TIGIT: variants seen among roughly 807,000 people sequenced by gnomAD.
TIGIT encodes T-cell immunoreceptor with Ig and ITIM domains.
Under a neutral mutation model 19.6 loss-of-function variants are expected in TIGIT, and 11 were observed. That is an observed-to-expected ratio of 0.56 (90% CI 0.35 to 0.93). The LOEUF is 0.93. Ranked by LOEUF, TIGIT falls within the 40% of genes least tolerant of loss-of-function variation. TIGIT has a pLI of 0.01. For missense variants in TIGIT, 295 were observed against 303.9 expected, an observed-to-expected ratio of 0.97 and a Z score of 0.22; for synonymous variants, 130 against 125.5, an observed-to-expected ratio of 1.04 and a Z score of -0.24.
rs757710677 is a variant in TIGIT at position 114,307,862 on chromosome 3, C to G, written c.499-33C>G. 58 of 1,583,026 alleles carry G rather than the reference C, an allele frequency of 3.7e-5. 2 individuals are homozygous for G. The South Asian group carries it at 6.3e-4, about 17-fold the overall frequency. Reference sequence around the variant, plus strand: ...GGGATTAACTGTTGAATAACATCCCCACATACTCACTTTGTAGTTTGTTTG... The same window carrying G: ...GGGATTAACTGTTGAATAACATCCCGACATACTCACTTTGTAGTTTGTTTG... On this transcript the variant is annotated intron_variant, in intron 3 of 3. Transcript: ENST00000383671.
chr3:114,299,699 G>T lies in TIGIT; in HGVS notation c.494G>T (p.Arg165Ile). ...TAVIVVVALTRKKKALRIHSV... is the reference protein window; with the variant it reads ...TAVIVVVALTIKKKALRIHSV... ...GTCATCGTGGTGGTCGCGTTGACTA[G>T]AAAGGTAATGGCTCCGGCTGCACAC... Residue 165 changes from arginine (R) to isoleucine (I), a missense_variant, in exon 3 of 4, where the codon AGA (arginine) becomes ATA (isoleucine). Coordinates refer to ENST00000383671, the MANE Select transcript of TIGIT (RefSeq NM_173799.4). 1 of 1,607,040 alleles carries T rather than the reference G, an allele frequency of 6.2e-7. No individual in the cohort carries two copies. Among genetic ancestry groups the T allele is most frequent in the Non-Finnish European group, 8.5e-7 (1 of 1,175,582 alleles).
intron 3 of TIGIT, among the ~76,000 whole-genome samples, chr3:114,304,700 T>C (rs539744643): frequency 1.3e-5 from 2 of 152,334 alleles, no homozygotes; most frequent in East Asian, 3.9e-4. Flanking sequence ...GATTTTATCC[T>C]AATTACGGGC....
chr3:114,303,264 C>T (rs1158238665), intron 3 of TIGIT, among the ~76,000 whole-genome samples: 1 of 151,890 alleles, frequency 6.6e-6, no homozygotes, highest in Non-Finnish European at 1.5e-5. Flanking sequence ...TATCCCTCAG[C>T]CCTCTCCCAC....
intron 3 of TIGIT, among the ~76,000 whole-genome samples, chr3:114,302,278 A>G (rs1483561609): frequency 6.6e-6 from 1 of 152,258 alleles, no homozygotes; most frequent in African/African-American, 2.4e-5. Context: ...TACAGTCTTC[A>G]TAGGGCACAG....
At chr3:114,301,471 G>A (rs898964780) in intron 3 of TIGIT, among the ~76,000 whole-genome samples, 6 of 152,194 alleles carry the variant, frequency 3.9e-5, no homozygotes, top group Admixed American at 2.0e-4. Flanking sequence ...AGAGGGGGGA[G>A]GTGAAGAAGA....
chr3:114,297,643 G>C (rs2078464021), intron 2 of TIGIT, among the ~76,000 whole-genome samples: 2 of 152,184 alleles, frequency 1.3e-5, no homozygotes, highest in African/African-American at 4.8e-5. Context: ...AGCTATGTCT[G>C]GTTGCTAATC....
At chr3:114,302,701 C>CA (rs2078500240) in intron 3 of TIGIT, among the ~76,000 whole-genome samples, 1 of 152,180 alleles carries the variant, frequency 6.6e-6, no homozygotes, top group Non-Finnish European at 1.5e-5. Flanking sequence ...GGAGAGATGC[C>CA]ACCAAACTTC....
chr3:114,304,232 G>A lies in TIGIT; in HGVS notation c.499-3663G>A, dbSNP rs1418869132. Among the ~76,000 whole-genome samples, 7 of 151,956 alleles carry A rather than the reference G, an allele frequency of 4.6e-5. No individual in the cohort carries two copies. In the South Asian group the frequency reaches 1.5e-3, roughly 32 times the overall value. On this transcript the variant is annotated intron_variant, in intron 3 of 3. Transcript: ENST00000383671. ...CTCTGCTGATTATTTCTTTTGCTGTGCAGAAGATATTACTTTTTAAAACTA... is the reference window on the plus strand; with the variant it reads ...CTCTGCTGATTATTTCTTTTGCTGTACAGAAGATATTACTTTTTAAAACTA...
rs1442157793 is a variant in TIGIT, at chr3:114,297,883, A to C, written c.392-1714A>C. ...CCACCCTTTTGCCATTGCAGACTCC[A>C]GGGAACACCATTGGTCACTCGGCTC... is the stretch of plus-strand genomic sequence containing the variant. On this transcript the variant is annotated intron_variant, in intron 2 of 3. Coordinates refer to ENST00000383671, the MANE Select transcript of TIGIT (RefSeq NM_173799.4). Among the ~76,000 whole-genome samples the C allele has an allele frequency of 3.3e-5, 5 of 152,188 alleles. No individual in the cohort carries two copies. In the East Asian group the frequency reaches 9.6e-4, roughly 29 times the overall value.
At chr3:114,296,890 CTTTTTTTTTTT>C (rs11289140) in intron 2 of TIGIT, among the ~76,000 whole-genome samples, 1 of 112,866 alleles carries the variant, frequency 8.9e-6, no homozygotes, top group Non-Finnish European at 1.8e-5. Flanking sequence ...AATGTTACTT[CTTTTTTTTTTT>C]TTTTTTTTTT....
intron 2 of TIGIT, 77 bp downstream of exon 2, chr3:114,295,951 C>T (rs2078451161): frequency 8.5e-7 from 1 of 1,178,852 alleles, no homozygotes. Context: ...CACTGCACAG[C>T]AGGGCTTCTC....
chr3:114,307,402 C>T (rs563501642), intron 3 of TIGIT, among the ~76,000 whole-genome samples: 5 of 152,180 alleles, frequency 3.3e-5, no homozygotes, highest in East Asian at 3.9e-4. Context: ...GCATGTTTAG[C>T]GTGAGAGAAA....
chr3:114,296,147 A>G, intron 2 of TIGIT: 1 of 365,636 alleles, frequency 2.7e-6, no homozygotes, highest in Non-Finnish European at 4.9e-6. Flanking sequence ...TAAGAAGCAC[A>G]TCTTACCTAT....
Position 114,309,816 on chromosome 3 carries a change from G to T in TIGIT, c.*1685G>T, listed in dbSNP as rs1218524935. On this transcript the variant is annotated 3_prime_UTR_variant, in exon 4 of 4. Coordinates refer to ENST00000383671, the MANE Select transcript of TIGIT (RefSeq NM_173799.4). ...GGGAGTAGTGTTTTGATTTGGAGGA[G>T]GTGTATATTCGGCAGAGGTTGGACT... 1.3e-5 allele frequency: 2 copies of T among 152,146 alleles called. No homozygotes were observed. Among genetic ancestry groups the T allele is most frequent in the African/African-American group, 2.4e-5 (1 of 41,428 alleles). The allele number at this position is 152,146 out of a possible 1,614,324, so 9.4% of individuals were successfully genotyped here.
At chr3:114,302,925 A>G (rs956422317) in intron 3 of TIGIT, among the ~76,000 whole-genome samples, 3 of 152,170 alleles carry the variant, frequency 2.0e-5, no homozygotes, top group Non-Finnish European at 4.4e-5. Flanking sequence ...CAGATAGTAT[A>G]TCTTTTTGGG....
chr3:114,305,864 GGATAGATA>G (rs747740694), intron 3 of TIGIT, among the ~76,000 whole-genome samples: 4,720 of 145,128 alleles, frequency 0.033, 95 homozygotes, highest in South Asian at 0.067. Flanking sequence ...ATGGATGGAT[GGATAGATA>G]GATAGATAGA....
chr3:114,295,911 C>A, intron 2 of TIGIT, 37 bp downstream of exon 2: 1 of 1,519,156 alleles, frequency 6.6e-7, no homozygotes, highest in South Asian at 1.2e-5. Context: ...ATAAACCTCT[C>A]CCTCTAGCAT....
At chr3:114,302,455 A>T (rs1474764288) in intron 3 of TIGIT, among the ~76,000 whole-genome samples, 1 of 152,170 alleles carries the variant, frequency 6.6e-6, no homozygotes, top group East Asian at 1.9e-4. Context: ...TTATGTATGT[A>T]AGCAATACCC....
intron 3 of TIGIT, among the ~76,000 whole-genome samples, chr3:114,303,531 ATATATATACACATATATATG>A (rs1356550021): frequency 0.024 from 190 of 7,852 alleles, no homozygotes; most frequent in Non-Finnish European, 0.053. Context: ...ATATATATGT[ATATATATACACATATATATG>A]TATATATATA....
Sources: gnomAD v4.1 joint callset for allele counts (sites outside exome capture counted in the v4.1 genomes callset) on GRCh38, gnomAD v4.1.1 for gene constraint, MANE v1.5 for transcripts, NCBI Gene and HGNC (gene_info 2026-07-23, HGNC 2026-07-21) for gene names.